The following AKT1 variants were observed in gnomAD, a reference collection of about 807,000 sequenced individuals.
AKT1 encodes AKT serine/threonine kinase 1.
AKT1 carries 21 observed loss-of-function variants against 63.1 expected under a neutral mutation model. The observed-to-expected ratio is 0.33, with a 90% CI of 0.24 to 0.48. AKT1 has a LOEUF of 0.48. Ranked by LOEUF, AKT1 falls within the 20% of genes least tolerant of loss-of-function variation. The pLI, the probability that AKT1 is intolerant of heterozygous loss-of-function variation, is 0.99. For synonymous variants in AKT1, 257 were observed against 253.1 expected (o/e 1.02, Z -0.15); for missense variants, 382 against 666.0 (o/e 0.57, Z 4.69).
Position 104,775,773 on chromosome 14 carries a change from G to A in AKT1, c.314C>T (p.Thr105Ile). 1.2e-6 allele frequency: 2 copies of A among 1,614,030 alleles called. No homozygotes were observed. The highest frequency in any genetic ancestry group is 1.3e-5 in the African/African-American group (1 of 75,036). Residue 105 changes from threonine to isoleucine, a missense_variant, in exon 6 of 15, where the codon ACT becomes ATT. Transcript: ENST00000649815. Reference sequence around the variant, plus strand: ...CTGCTTCTTGAGGCCGTCAGCCACAGTCTGGATGGCGGTTGTCCACTCCTC... The same window carrying A: ...CTGCTTCTTGAGGCCGTCAGCCACAATCTGGATGGCGGTTGTCCACTCCTC... ...EREEWTTAIQ[T>I]VADGLKKQEE...
rs61761247 is a variant in AKT1, at chr14:104,771,594, G to A, written c.1261-747C>T. 2,227 of 233,348 alleles carry A rather than the reference G, an allele frequency of 9.5e-3. 47 individuals carry two copies. Among genetic ancestry groups the A allele is most frequent in the African/African-American group, 0.046 (2,096 of 45,394 alleles). The allele number at this position is 233,348 out of a possible 1,614,324, so 14.5% of individuals were successfully genotyped here. The stretch of plus-strand genomic sequence containing the variant: ...AAGGCAGGAACGGGGACCAGGACCA[G>A]GGCACCCTGTGTTAATGGGAGAACA... On this transcript the variant is annotated intron_variant, in intron 13 of 14. Coordinates refer to ENST00000649815, the MANE Select transcript of AKT1 (RefSeq NM_001382430.1).
intron 3 of AKT1, among the ~76,000 whole-genome samples, chr14:104,788,190 A>T (rs1276510089): frequency 1.3e-5 from 2 of 152,136 alleles, no homozygotes; most frequent in East Asian, 3.9e-4. Flanking sequence ...CGCGGGTCTC[A>T]CACTGAAGCC....
In AKT1 at chr14:104,769,949, G is replaced by A; in HGVS notation, c.*392C>T. Reference sequence around the variant, plus strand: ...GGCCCAGGGCCCCAGAGAGATGACAGATAGCTGGTGACAGACAGCCCAGGG... The same window carrying A: ...GGCCCAGGGCCCCAGAGAGATGACAAATAGCTGGTGACAGACAGCCCAGGG... On this transcript the variant is annotated 3_prime_UTR_variant, in exon 15 of 15. Coordinates refer to ENST00000649815, the MANE Select transcript of AKT1 (RefSeq NM_001382430.1). 1 of 415,790 alleles carries A rather than the reference G, an allele frequency of 2.4e-6. No individual in the cohort carries two copies. Among genetic ancestry groups the A allele is most frequent in the East Asian group, 4.6e-5 (1 of 21,774 alleles). The allele number at this position is 415,790 out of a possible 1,614,324, so 25.8% of individuals were successfully genotyped here. A position where few individuals can be genotyped will look rare whatever the true frequency, so the allele number is the denominator to read the frequency against.
chr14:104,794,601 A>G (rs1376736489), intron 1 of AKT1: 1 of 152,244 alleles, frequency 6.6e-6, no homozygotes, highest in Admixed American at 6.5e-5. Flanking sequence ...TGCCTCCAGA[A>G]CCCTGGTGTA....
chr14:104,792,520 G>T, intron 3 of AKT1, 78 bp downstream of exon 3: 1 of 1,546,834 alleles, frequency 6.5e-7, no homozygotes, highest in Non-Finnish European at 8.9e-7. Flanking sequence ...ACCCAGCAGG[G>T]CACAGGCACT....
intron 4 of AKT1, 83 bp downstream of exon 4, chr14:104,780,004 AC>A: frequency 1.9e-6 from 3 of 1,548,606 alleles, no homozygotes; most frequent in Non-Finnish European, 1.7e-6. Context: ...GCTCCAGGGG[AC>A]CCCCATCGTG....
chr14:104,780,107 G>A lies in AKT1; in HGVS notation c.156C>T (p.Leu52=), dbSNP rs780477141. Residue 52 remains leucine, a synonymous_variant, in exon 4 of 15, where the codon CTC becomes CTT. Coordinates refer to ENST00000649815, the MANE Select transcript of AKT1 (RefSeq NM_001382430.1). ...ACTTACGCGCCACAGAGAAGTTGTT[G>A]AGGGGAGCCTCACGTTGGTCCACAT... The part of the protein sequence containing the change: ...PQDVDQREAP[L]NNFSVAQCQL... The A allele has an allele frequency of 2.5e-6, 4 of 1,613,544 alleles. No individual in the cohort carries two copies. Among genetic ancestry groups the A allele is most frequent in the South Asian group, 1.1e-5 (1 of 91,084 alleles).
rs780299611 is a variant in AKT1, at chr14:104,770,338, G to A, written c.*3C>T. ...CTATCGTCCAGCGCAGTCCACCGCC[G>A]CCTCAGGCCGTGCCGCTGGCCGAGT... On this transcript the variant is annotated 3_prime_UTR_variant, in exon 15 of 15. Transcript: ENST00000649815. The A allele has an allele frequency of 3.2e-5, 51 of 1,609,202 alleles. No homozygotes were observed. Among genetic ancestry groups the A allele is most frequent in the Non-Finnish European group, 3.8e-5 (45 of 1,179,210 alleles).
chr14:104,777,818 G>T, intron 4 of AKT1: 2 of 712,962 alleles, frequency 2.8e-6, no homozygotes, highest in Non-Finnish European at 1.7e-6. Flanking sequence ...CTGGGGGCCA[G>T]GAGGGGGCTC....
chr14:104,769,528 C>T lies in AKT1; in HGVS notation c.*813G>A, dbSNP rs1270987258. 5.6e-6 allele frequency: 3 copies of T among 532,746 alleles called. No individual in the cohort carries two copies. Among genetic ancestry groups the T allele is most frequent in the Non-Finnish European group, 1.1e-5 (3 of 275,370 alleles). 33.0% of individuals were successfully genotyped at this position (532,746 alleles called of 1,614,324 possible). ...CACCCCCACAGGGAGTCAGGGAGGGCCTGGGGCGACAGCGGAAAGGTTAAG... is the reference window on the plus strand; with the variant it reads ...CACCCCCACAGGGAGTCAGGGAGGGTCTGGGGCGACAGCGGAAAGGTTAAG... On this transcript the variant is annotated 3_prime_UTR_variant, in exon 15 of 15. Transcript: ENST00000649815.
At chr14:104,777,626 G>A in intron 4 of AKT1, 1 of 989,908 alleles carries the variant, frequency 1.0e-6, no homozygotes, top group African/African-American at 1.7e-5. Context: ...AACGTGCGGG[G>A]CCCTGAGAGG....
chr14:104,788,716 G>T (rs1485822667), intron 3 of AKT1, among the ~76,000 whole-genome samples: 1 of 152,208 alleles, frequency 6.6e-6, no homozygotes, highest in East Asian at 1.9e-4. Context: ...GGCGGGGAGA[G>T]GGGGTGGGAA....
chr14:104,769,664 C>T lies in AKT1; in HGVS notation c.*677G>A, dbSNP rs1370964922. On this transcript the variant is annotated 3_prime_UTR_variant, in exon 15 of 15. Coordinates refer to ENST00000649815, the MANE Select transcript of AKT1 (RefSeq NM_001382430.1). ...AGGGGAAGGGGGAGGGCTTTCCTGTCACAAAGATTAAAAACCCCCAAAATG... is the reference window on the plus strand; with the variant it reads ...AGGGGAAGGGGGAGGGCTTTCCTGTTACAAAGATTAAAAACCCCCAAAATG... 1.0e-5 allele frequency: 5 copies of T among 476,620 alleles called. No homozygotes were observed. The highest frequency in any genetic ancestry group is 2.0e-5 in the Non-Finnish European group (5 of 250,238). 29.5% of individuals were successfully genotyped at this position (476,620 alleles called of 1,614,324 possible). A position where few individuals can be genotyped will look rare whatever the true frequency, so the allele number is the denominator to read the frequency against.
intron 10 of AKT1, 24 bp from the exon 11 acceptor site, chr14:104,773,403 C>T: frequency 1.2e-6 from 2 of 1,614,122 alleles, no homozygotes; most frequent in Non-Finnish European, 1.7e-6. Flanking sequence ...GGCCTCAGGT[C>T]AGTGCCGCCA....
chr14:104,787,985 C>T (rs1352803023), intron 3 of AKT1, among the ~76,000 whole-genome samples: 45 of 152,220 alleles, frequency 3.0e-4, no homozygotes, highest in Non-Finnish European at 5.9e-5. Context: ...CCATGACCTC[C>T]ACCAGCCTGT....
At chr14:104,773,814 T>G in intron 9 of AKT1, 98 bp downstream of exon 9, 1 of 1,333,200 alleles carries the variant, frequency 7.5e-7, no homozygotes, top group Non-Finnish European at 1.0e-6. Context: ...GAGCACCGTC[T>G]GGTGCCATGG....
intron 3 of AKT1, among the ~76,000 whole-genome samples, chr14:104,789,381 A>G (rs1166275547): frequency 6.6e-6 from 1 of 152,220 alleles, no homozygotes; most frequent in Non-Finnish European, 1.5e-5. Flanking sequence ...CCACGGGGCT[A>G]GGCTGCAGCC....
At chr14:104,793,957 G>A (rs2141012341) in intron 1 of AKT1, 1 of 152,452 alleles carries the variant, frequency 6.6e-6, no homozygotes, top group African/African-American at 2.4e-5. Flanking sequence ...TCCACAGCCA[G>A]CTTAGACGCT....
At chr14:104,781,023 G>A (rs891295924) in intron 3 of AKT1, among the ~76,000 whole-genome samples, 1 of 152,218 alleles carries the variant, frequency 6.6e-6, no homozygotes, top group East Asian at 1.9e-4. Flanking sequence ...TCAGGTACAC[G>A]GGAACATTCT....
Sources: gnomAD v4.1 joint callset for allele counts (sites outside exome capture counted in the v4.1 genomes callset) on GRCh38, gnomAD v4.1.1 for gene constraint, MANE v1.5 for transcripts, NCBI Gene and HGNC (gene_info 2026-07-23, HGNC 2026-07-21) for gene names.